Variants in JAK2 observed in about 807,000 individuals in gnomAD.
JAK2 encodes Janus kinase 2.
In JAK2, 86 loss-of-function variants were observed where a neutral mutation model predicts 139.3. The ratio of observed to expected loss-of-function variants is 0.62; its 90% CI spans 0.52 to 0.74. The LOEUF (loss-of-function observed/expected upper bound fraction) is 0.74. JAK2 is among the 30% of genes least tolerant of loss of function. JAK2 has a pLI of 0.00. For missense variants in JAK2, 1,421 were observed against 1,360.3 expected (o/e 1.04, Z -0.70); for synonymous variants, 490 against 437.7 (o/e 1.12, Z -1.49).
At chr9:5,021,236 C>T (rs1822408079) in intron 2 of JAK2, among the ~76,000 whole-genome samples, 1 of 152,180 alleles carries the variant, frequency 6.6e-6, no homozygotes, top group South Asian at 2.1e-4. Flanking sequence ...CGTGTTCTCT[C>T]TTAGATGACC....
chr9:5,126,018 G>C (rs1823968618), intron 23 of JAK2: 1 of 182,330 alleles, frequency 5.5e-6, no homozygotes, highest in South Asian at 1.9e-4. Context: ...TATTTCAATT[G>C]AAATGTAATA....
At chr9:5,061,460 C>G (rs902208699) in intron 8 of JAK2, among the ~76,000 whole-genome samples, 3 of 152,232 alleles carry the variant, frequency 2.0e-5, no homozygotes, top group African/African-American at 7.2e-5. Context: ...GCTGCTTCAC[C>G]TTGCACTTAT....
At chr9:5,011,850 A>G (rs750204421) in intron 2 of JAK2, among the ~76,000 whole-genome samples, 4 of 152,134 alleles carry the variant, frequency 2.6e-5, no homozygotes, top group African/African-American at 9.7e-5. Flanking sequence ...GGTCTATTTC[A>G]GTTTTGCCAT....
chr9:5,128,131 A>G lies in JAK2; in HGVS notation c.*1340A>G. The G allele has an allele frequency of 4.3e-6, 1 of 230,718 alleles. No homozygotes were observed. The highest frequency in any genetic ancestry group is 6.0e-5 in the East Asian group (1 of 16,614). 14.3% of individuals were successfully genotyped at this position (230,718 alleles called of 1,614,324 possible). A position where few individuals can be genotyped will look rare whatever the true frequency, so the allele number is the denominator to read the frequency against. On this transcript the variant is annotated 3_prime_UTR_variant, in exon 25 of 25. Transcript: ENST00000381652. ...GTGTGTGTGTGTGTGTTATTTATACAAAACTTAAAATACTTGCTGTTTTGA... is the reference window on the plus strand; with the variant it reads ...GTGTGTGTGTGTGTGTTATTTATACGAAACTTAAAATACTTGCTGTTTTGA...
Position 5,057,938 on chromosome 9 carries a change from G to A in JAK2, c.1056+2150G>A, listed in dbSNP as rs367584786. 3.3e-5 allele frequency among the ~76,000 whole-genome samples: 5 copies of A among 152,054 alleles called. No individual in the cohort carries two copies. In the East Asian group the frequency reaches 7.7e-4, roughly 23 times the overall value. ...TCTAGATACCTCATAAAAGCAGGCTGAAACAATACTGTCTTTTTGTGACAG... is the reference window on the plus strand; with the variant it reads ...TCTAGATACCTCATAAAAGCAGGCTAAAACAATACTGTCTTTTTGTGACAG... On this transcript the variant is annotated intron_variant, in intron 8 of 24. Coordinates refer to ENST00000381652, the MANE Select transcript of JAK2 (RefSeq NM_004972.4).
Position 5,078,155 on chromosome 9 carries a change from C to G in JAK2, c.1993-151C>G, listed in dbSNP as rs1423286550. The G allele has an allele frequency of 5.3e-6, 3 of 560,988 alleles. No individual in the cohort carries two copies. The African/African-American group carries it at 5.7e-5, about 11-fold the overall frequency. The allele number at this position is 560,988 out of a possible 1,614,324, so 34.8% of individuals were successfully genotyped here. ...AATGTAAAACAGGAAGCATAGGAGTCATAAATTTCCTTTTTTCTCAATGCA... is the reference window on the plus strand; with the variant it reads ...AATGTAAAACAGGAAGCATAGGAGTGATAAATTTCCTTTTTTCTCAATGCA... On this transcript the variant is annotated intron_variant, in intron 15 of 24. Transcript: ENST00000381652.
At chr9:4,991,835 G>C (rs1372781113) in intron 2 of JAK2, among the ~76,000 whole-genome samples, 1 of 152,034 alleles carries the variant, frequency 6.6e-6, no homozygotes, top group African/African-American at 2.4e-5. Context: ...GTGTAGAAGA[G>C]CTCATCCCCT....
intron 9 of JAK2, among the ~76,000 whole-genome samples, chr9:5,065,786 C>T (rs1021046731): frequency 5.9e-5 from 9 of 152,004 alleles, no homozygotes; most frequent in African/African-American, 1.7e-4. Context: ...TTGAATAACT[C>T]GAGCAAAGGG....
intron 9 of JAK2, among the ~76,000 whole-genome samples, chr9:5,065,879 A>G (rs1818532471): frequency 6.6e-6 from 1 of 152,192 alleles, no homozygotes; most frequent in South Asian, 2.1e-4. Context: ...TGGGTAATAT[A>G]AAGAGTTGAT....
intron 3 of JAK2, among the ~76,000 whole-genome samples, chr9:5,027,355 T>G (rs1822845917): frequency 6.6e-6 from 1 of 152,340 alleles, no homozygotes; most frequent in South Asian, 2.1e-4. Flanking sequence ...GCAATAATAT[T>G]ATGTCCAAAA....
chr9:5,042,531 C>T (rs1408863685), intron 4 of JAK2, among the ~76,000 whole-genome samples: 2 of 152,176 alleles, frequency 1.3e-5, no homozygotes, highest in Non-Finnish European at 2.9e-5. Context: ...AAGAAAGGCC[C>T]CCTCCACCCC....
rs1340872095 is a variant in JAK2, at chr9:5,055,870, A to G, written c.1056+82A>G. ...ATTTTAGAATCTTAGTACCAAAATT[A>G]TTTTCTGGTAGGAATTTTGATTGTA... On this transcript the variant is annotated intron_variant, in intron 8 of 24. Coordinates refer to ENST00000381652, the MANE Select transcript of JAK2 (RefSeq NM_004972.4). 3.2e-6 allele frequency: 4 copies of G among 1,252,712 alleles called. No individual in the cohort carries two copies. In the East Asian group the frequency reaches 9.8e-5, roughly 31 times the overall value. The allele number at this position is 1,252,712 out of a possible 1,614,324, so 77.6% of individuals were successfully genotyped here. A position where few individuals can be genotyped will look rare whatever the true frequency, so the allele number is the denominator to read the frequency against.
chr9:5,003,369 C>T (rs929211601), intron 2 of JAK2, among the ~76,000 whole-genome samples: 7 of 151,940 alleles, frequency 4.6e-5, no homozygotes, highest in Admixed American at 3.9e-4. Context: ...CTATCCCTCT[C>T]TTATTTAGCT....
chr9:5,077,918 G>T (rs193250942), intron 15 of JAK2, among the ~76,000 whole-genome samples: 7 of 152,264 alleles, frequency 4.6e-5, no homozygotes, highest in Non-Finnish European at 4.4e-5. Flanking sequence ...CCATGAGAAA[G>T]CGGTGTTGAC....
chr9:5,038,360 A>G (rs1171673998), intron 4 of JAK2, among the ~76,000 whole-genome samples: 1 of 152,174 alleles, frequency 6.6e-6, no homozygotes, highest in East Asian at 1.9e-4. Context: ...CACATTAAAA[A>G]AATTATTACT....
chr9:5,032,490 A>G, intron 4 of JAK2, among the ~76,000 whole-genome samples: 1 of 152,132 alleles, frequency 6.6e-6, no homozygotes, highest in East Asian at 1.9e-4. Context: ...ACTGGGAGGC[A>G]CCCCCAAGTA....
At chr9:5,121,994 T>G (rs910341710) in intron 22 of JAK2, among the ~76,000 whole-genome samples, 2 of 152,140 alleles carry the variant, frequency 1.3e-5, no homozygotes, top group African/African-American at 4.8e-5. Flanking sequence ...TATGTAAAAT[T>G]TGTAAAGACT....
At chr9:5,072,367 T>A (rs1714657548) in intron 12 of JAK2, 125 bp from the exon 13 acceptor site, 4 of 617,082 alleles carry the variant, frequency 6.5e-6, no homozygotes, top group Non-Finnish European at 1.1e-5. Context: ...AAATCTGGAT[T>A]TAGATTCTAA....
At chr9:5,043,276 C>G (rs1488488972) in intron 4 of JAK2, among the ~76,000 whole-genome samples, 2 of 151,832 alleles carry the variant, frequency 1.3e-5, no homozygotes, top group East Asian at 3.9e-4. Flanking sequence ...TTACGTTTCT[C>G]TGATGCTCTT....
Sources: gnomAD v4.1 joint callset for allele counts (sites outside exome capture counted in the v4.1 genomes callset) on GRCh38, gnomAD v4.1.1 for gene constraint, MANE v1.5 for transcripts, NCBI Gene and HGNC (gene_info 2026-07-23, HGNC 2026-07-21) for gene names.